Variants in TTC28 observed in about 807,000 individuals in gnomAD.
TTC28 encodes the protein tetratricopeptide repeat domain 28, also known as tetratricopeptide repeat protein 28.
TTC28 carries 61 observed loss-of-function variants against 198.0 expected under a neutral mutation model. The ratio of observed to expected loss-of-function variants is 0.31; its 90% confidence interval spans 0.25 to 0.38. The LOEUF is 0.38. Among genes scored for constraint, TTC28 ranks in the 10% least tolerant of loss-of-function variants. The pLI is 1.00. For missense variants in TTC28, 2,678 were observed against 3,164.0 expected, an observed-to-expected ratio of 0.85 and a Z score of 3.69; for synonymous variants, 1,171 against 1,297.8, an observed-to-expected ratio of 0.90 and a Z score of 2.10.
chr22:28,287,978 C>T (rs1293579433), intron 5 of TTC28, among the ~76,000 whole-genome samples: 1 of 152,080 alleles, frequency 6.6e-6, no homozygotes, highest in Non-Finnish European at 1.5e-5. Flanking sequence ...ATCTTGTTTA[C>T]TTGAATATTT....
At chr22:28,449,651 G>A (rs1362118413) in intron 2 of TTC28, among the ~76,000 whole-genome samples, 1 of 152,184 alleles carries the variant, frequency 6.6e-6, no homozygotes, top group Non-Finnish European at 1.5e-5. Context: ...TGATGAGCCA[G>A]AACAAGATTT....
chr22:28,571,256 C>T lies in TTC28; in HGVS notation c.381+58296G>A, dbSNP rs75214591. On this transcript the variant is annotated intron_variant, in intron 2 of 22. Transcript: ENST00000397906. ...CACTTCTACCCGACTAAATTTTCTA[C>T]ATCATAACTGAAGCTGTGTATATCT... Among the ~76,000 whole-genome samples the T allele has an allele frequency of 3.0e-4, 46 of 152,298 alleles. No homozygotes were observed. The East Asian group carries it at 8.5e-3, about 28-fold the overall frequency.
chr22:28,267,968 G>C (rs1303975095), intron 5 of TTC28, among the ~76,000 whole-genome samples: 1 of 152,106 alleles, frequency 6.6e-6, no homozygotes, highest in Non-Finnish European at 1.5e-5. Context: ...TTAATATCAG[G>C]TATTTTACCT....
intron 6 of TTC28, among the ~76,000 whole-genome samples, chr22:28,134,287 T>C (rs979518739): frequency 6.6e-6 from 1 of 152,174 alleles, no homozygotes; most frequent in Non-Finnish European, 1.5e-5. Flanking sequence ...CTGAAAGTTC[T>C]AAAAATCAGA....
chr22:28,368,027 GAGA>G (rs974118179), intron 2 of TTC28, among the ~76,000 whole-genome samples: 23 of 152,104 alleles, frequency 1.5e-4, no homozygotes, highest in African/African-American at 4.6e-4. Context: ...CCTAAAAATA[GAGA>G]AGGAGAGAAT....
At chr22:28,052,191 G>T (rs959814451) in intron 12 of TTC28, among the ~76,000 whole-genome samples, 2 of 152,084 alleles carry the variant, frequency 1.3e-5, no homozygotes, top group Non-Finnish European at 2.9e-5. Context: ...ATATATGTGC[G>T]GAACAAAACA....
intron 2 of TTC28, among the ~76,000 whole-genome samples, chr22:28,311,079 T>G (rs2045248036): frequency 6.6e-6 from 1 of 152,192 alleles, no homozygotes; most frequent in Non-Finnish European, 1.5e-5. Context: ...GTGCCTGGCC[T>G]ACTTTAATAT....
rs1245599997 is a variant in TTC28 at position 28,081,811 on chromosome 22, G to T, written c.3932+12269C>A. 2.0e-5 allele frequency among the ~76,000 whole-genome samples: 3 copies of T among 152,038 alleles called. No homozygotes were observed. In the East Asian group the frequency reaches 5.8e-4, roughly 29 times the overall value. On this transcript the variant is annotated intron_variant, in intron 12 of 22. Transcript: ENST00000397906. ...CCGGCTGCCACTAGGATTTTGCTAG[G>T]GATTACACTGAATCTGTAGATCACT...
chr22:28,273,237 T>A (rs1001624710), intron 5 of TTC28, among the ~76,000 whole-genome samples: 2 of 152,188 alleles, frequency 1.3e-5, no homozygotes, highest in Non-Finnish European at 2.9e-5. Context: ...ACATATTTTA[T>A]ATACAATGGT....
chr22:28,161,547 G>A (rs113499167), intron 6 of TTC28, among the ~76,000 whole-genome samples: 8 of 152,128 alleles, frequency 5.3e-5, no homozygotes, highest in African/African-American at 1.2e-4. Context: ...CTAGCTACTC[G>A]GGAGGCTGAG....
Position 28,055,759 on chromosome 22 carries a change from C to T in TTC28, c.3933-25393G>A, listed in dbSNP as rs79114003. Among the ~76,000 whole-genome samples, 638 of 152,172 alleles carry T rather than the reference C, an allele frequency of 4.2e-3. 3 individuals carry two copies. Among genetic ancestry groups the T allele is most frequent in the African/African-American group, 0.015 (614 of 41,500 alleles). ...TGCTTTTTCATGCACTCACCTACCC[C>T]ACTCCCTTTCTCCCCATGACCATCA... On this transcript the variant is annotated intron_variant, in intron 12 of 22. Transcript: ENST00000397906.
chr22:28,424,223 C>A (rs1200173135), intron 2 of TTC28, among the ~76,000 whole-genome samples: 1 of 152,128 alleles, frequency 6.6e-6, no homozygotes, highest in Non-Finnish European at 1.5e-5. Context: ...TTTACACTCC[C>A]ACAATAAACA....
intron 6 of TTC28, among the ~76,000 whole-genome samples, chr22:28,122,987 G>C (rs1040702082): frequency 6.6e-6 from 1 of 152,142 alleles, no homozygotes; most frequent in Non-Finnish European, 1.5e-5. Flanking sequence ...ATTGAAATGG[G>C]GTATGAAGGA....
intron 5 of TTC28, among the ~76,000 whole-genome samples, chr22:28,273,341 C>T (rs1569233379): frequency 6.6e-6 from 1 of 151,876 alleles, no homozygotes; most frequent in Non-Finnish European, 1.5e-5. Context: ...AATTATTAGA[C>T]ATATAATTTA....
At chr22:28,662,330 T>C (rs2051762217) in intron 1 of TTC28, among the ~76,000 whole-genome samples, 1 of 152,156 alleles carries the variant, frequency 6.6e-6, no homozygotes. Flanking sequence ...TGCTTAGTGA[T>C]CATACAAATC....
chr22:28,063,030 T>A (rs1319969669), intron 12 of TTC28, among the ~76,000 whole-genome samples: 1 of 152,132 alleles, frequency 6.6e-6, no homozygotes, highest in East Asian at 1.9e-4. Flanking sequence ...TGAAGAGTAT[T>A]TTTTTTCAAA....
chr22:28,561,073 T>A (rs1249571274), intron 2 of TTC28, among the ~76,000 whole-genome samples: 20 of 326 alleles, frequency 0.061, no homozygotes, highest in East Asian at 0.18. Flanking sequence ...CTTCATTTTC[T>A]TTTTTTTTTT....
intron 3 of TTC28, among the ~76,000 whole-genome samples, chr22:28,301,929 C>T (rs9613590): frequency 0.045 from 6,838 of 151,900 alleles, 255 homozygotes; most frequent in Admixed American, 0.12. Flanking sequence ...CCCAGCTACT[C>T]AGGAGGCTGA....
At chr22:28,472,433 G>C (rs574369609) in intron 2 of TTC28, among the ~76,000 whole-genome samples, 4 of 152,070 alleles carry the variant, frequency 2.6e-5, no homozygotes, top group East Asian at 3.9e-4. Flanking sequence ...TTGATGACTT[G>C]TCCTGGGTGG....
Sources: allele counts gnomAD v4.1 joint callset (sites outside exome capture counted in the v4.1 genomes callset), GRCh38; gene constraint gnomAD v4.1.1; transcripts MANE v1.5; gene names NCBI Gene and HGNC (gene_info 2026-07-23, HGNC 2026-07-21).